TMEM229B: variants seen among roughly 807,000 people sequenced by gnomAD.
TMEM229B encodes the protein transmembrane protein 229B.
TMEM229B carries 6 observed loss-of-function variants against 13.7 expected under a neutral mutation model. The ratio of observed to expected loss-of-function variants is 0.44; its 90% confidence interval spans 0.24 to 0.86. The LOEUF is 0.86. Among genes scored for constraint, TMEM229B ranks in the 40% least tolerant of loss-of-function variants. The probability of loss-of-function intolerance (pLI) is 0.23; values close to 1 mark genes in which losing one functional copy is unlikely to be tolerated. For missense variants in TMEM229B, 170 were observed against 236.0 expected, an observed-to-expected ratio of 0.72 and a Z score of 1.83; for synonymous variants, 107 against 102.1, an observed-to-expected ratio of 1.05 and a Z score of -0.29.
rs761073899 is a variant in TMEM229B, at chr14:67,471,884, G to A, written c.*1536C>T. 6.6e-6 allele frequency: 1 copy of A among 152,258 alleles called. No individual in the cohort carries two copies. The highest frequency in any genetic ancestry group is 1.5e-5 in the Non-Finnish European group (1 of 68,072). The allele number at this position is 152,258 out of a possible 1,614,324, so 9.4% of individuals were successfully genotyped here. A position where few individuals can be genotyped will look rare whatever the true frequency, so the allele number is the denominator to read the frequency against. On this transcript the variant is annotated 3_prime_UTR_variant, in exon 3 of 3. Coordinates refer to ENST00000554480, the MANE Select transcript of TMEM229B (RefSeq NM_001348543.2). ...GGGGAAGGCTAATTTCTACCTAAGAGTCCTAGTGTGGTCAAGAAGAGACCA... is the reference window on the plus strand; with the variant it reads ...GGGGAAGGCTAATTTCTACCTAAGAATCCTAGTGTGGTCAAGAAGAGACCA...
intron 2 of TMEM229B, among the ~76,000 whole-genome samples, chr14:67,475,160 C>T (rs867398394): frequency 6.6e-6 from 1 of 152,186 alleles, no homozygotes; most frequent in African/African-American, 2.4e-5. Flanking sequence ...GGTGATCCGC[C>T]CGCCTTGGCC....
chr14:67,531,893 CAAG>C (rs568653136), intron 1 of TMEM229B, among the ~76,000 whole-genome samples: 55 of 53,660 alleles, frequency 1.0e-3, no homozygotes, highest in Admixed American at 9.3e-3. Context: ...GAGAACAGAA[CAAG>C]AAGAACCTAT....
intron 2 of TMEM229B, among the ~76,000 whole-genome samples, chr14:67,484,757 C>T (rs965450123): frequency 2.6e-5 from 4 of 151,710 alleles, no homozygotes; most frequent in African/African-American, 9.7e-5. Flanking sequence ...GACCTCATTT[C>T]TAATAAAGAA....
intron 1 of TMEM229B, among the ~76,000 whole-genome samples, chr14:67,530,341 A>G (rs1258409955): frequency 6.6e-6 from 1 of 152,120 alleles, no homozygotes; most frequent in African/African-American, 2.4e-5. Flanking sequence ...AACTGCCCCA[A>G]GGTCCCACCA....
At chr14:67,491,887 C>T (rs72719187), upstream of TMEM229B, among the ~76,000 whole-genome samples, 11,193 of 152,314 alleles carry the variant, frequency 0.073, 480 homozygotes, top group East Asian at 0.15. Context: ...AGGAGAGGCC[C>T]AGGCCGCGGG....
At chr14:67,488,902 C>T (rs930718406), upstream of TMEM229B, among the ~76,000 whole-genome samples, 16 of 152,298 alleles carry the variant, frequency 1.1e-4, no homozygotes, top group Admixed American at 8.5e-4. Flanking sequence ...GGTCTGCAGG[C>T]TTTTTCCCCA....
At chr14:67,518,244 C>T (rs1566705824), upstream of TMEM229B, among the ~76,000 whole-genome samples, 1 of 152,218 alleles carries the variant, frequency 6.6e-6, no homozygotes, top group Non-Finnish European at 1.5e-5. Context: ...GGGCCAGGAA[C>T]AGACAGGCTT....
intron 1 of TMEM229B, among the ~76,000 whole-genome samples, chr14:67,520,655 T>C (rs1281390054): frequency 6.6e-6 from 1 of 152,124 alleles, no homozygotes; most frequent in Non-Finnish European, 1.5e-5. Context: ...CCATGCAGGT[T>C]TTTATGTGGA....
Position 67,488,589 on chromosome 14 carries a change from G to A in TMEM229B, c.-273C>T, listed in dbSNP as rs571937036. On this transcript the variant is annotated 5_prime_UTR_variant, in exon 1 of 3. Transcript: ENST00000554480. Reference sequence around the variant, plus strand: ...ACCTTGAGGAAAAGGTTTTAACGGAGCATGTCCGAACCCTCTGGGACTCTC... The same window carrying A: ...ACCTTGAGGAAAAGGTTTTAACGGAACATGTCCGAACCCTCTGGGACTCTC... 1.3e-5 allele frequency: 2 copies of A among 152,440 alleles called. No homozygotes were observed. The highest frequency in any genetic ancestry group is 4.8e-5 in the African/African-American group (2 of 41,580). 9.4% of individuals were successfully genotyped at this position (152,440 alleles called of 1,614,324 possible).
chr14:67,477,596 C>T (rs528595112), intron 2 of TMEM229B, among the ~76,000 whole-genome samples: 7 of 152,272 alleles, frequency 4.6e-5, no homozygotes, highest in East Asian at 1.9e-4. Context: ...ACAGCTCCCC[C>T]TAATGTCCCA....
At chr14:67,479,438 C>CTGGGT (rs1420549916) in intron 2 of TMEM229B, among the ~76,000 whole-genome samples, 2 of 146,476 alleles carry the variant, frequency 1.4e-5, no homozygotes. Flanking sequence ...CTTGTGGAAG[C>CTGGGT]TGGGTGCAGT....
upstream of TMEM229B, among the ~76,000 whole-genome samples, chr14:67,520,208 G>A (rs968113404): frequency 1.3e-5 from 2 of 152,082 alleles, no homozygotes; most frequent in African/African-American, 4.8e-5. Flanking sequence ...AAAGTCCATA[G>A]TTTACATTAG....
upstream of TMEM229B, among the ~76,000 whole-genome samples, chr14:67,492,842 G>A (rs1208469230): frequency 6.6e-6 from 1 of 152,228 alleles, no homozygotes; most frequent in Non-Finnish European, 1.5e-5. Flanking sequence ...ACTGTACCAT[G>A]TGTGAACAAG....
chr14:67,517,761 A>G (rs1414855801), upstream of TMEM229B, among the ~76,000 whole-genome samples: 1 of 152,134 alleles, frequency 6.6e-6, no homozygotes, highest in Non-Finnish European at 1.5e-5. Context: ...TAGGACAGCT[A>G]TTTTTATCTC....
chr14:67,481,756 C>G (rs79903243), intron 2 of TMEM229B, among the ~76,000 whole-genome samples: 9,976 of 152,260 alleles, frequency 0.066, 380 homozygotes, highest in African/African-American at 0.088. Context: ...ACCCACCCGA[C>G]TCCCTATATC....
At chr14:67,508,257 C>T (rs1258184341) in intron 1 of TMEM229B, among the ~76,000 whole-genome samples, 3 of 152,096 alleles carry the variant, frequency 2.0e-5, no homozygotes, top group Admixed American at 1.3e-4. Flanking sequence ...ACCATCTCTT[C>T]CCTCCCAACT....
chr14:67,511,498 C>T (rs566239120), intron 1 of TMEM229B, among the ~76,000 whole-genome samples: 7 of 152,112 alleles, frequency 4.6e-5, no homozygotes, highest in African/African-American at 1.4e-4. Context: ...CACTGGGAGC[C>T]GAGAATCCCG....
upstream of TMEM229B, among the ~76,000 whole-genome samples, chr14:67,489,508 C>T (rs549447044): frequency 1.4e-4 from 22 of 152,280 alleles, no homozygotes; most frequent in East Asian, 5.8e-4. Flanking sequence ...CAGAGACCAC[C>T]GGCCTGTTTC....
At chr14:67,526,343 C>T (rs1382007529) in intron 1 of TMEM229B, among the ~76,000 whole-genome samples, 1 of 152,214 alleles carries the variant, frequency 6.6e-6, no homozygotes, top group East Asian at 1.9e-4. Context: ...CTTCCTGTCC[C>T]CTGCCCGTGT....
Sources: allele counts gnomAD v4.1 joint callset (sites outside exome capture counted in the v4.1 genomes callset), GRCh38; gene constraint gnomAD v4.1.1; transcripts MANE v1.5; gene names NCBI Gene and HGNC (gene_info 2026-07-23, HGNC 2026-07-21).